The following UBR2 variants were observed in gnomAD, a reference collection of about 807,000 sequenced individuals.
The protein encoded by UBR2 is E3 ubiquitin-protein ligase UBR2.
Under a neutral mutation model 247.9 loss-of-function variants are expected in UBR2, and 92 were observed. The observed-to-expected ratio is 0.37, with a 90% confidence interval of 0.31 to 0.44. The LOEUF (loss-of-function observed/expected upper bound fraction) is 0.44, where lower values mean the gene tolerates loss of function less well. Ranked by LOEUF, UBR2 falls within the 20% of genes least tolerant of loss-of-function variation. The pLI is 1.00. For synonymous variants in UBR2, 672 were observed against 693.5 expected (o/e 0.97, Z 0.49); for missense variants, 1,613 against 2,112.6 (o/e 0.76, Z 4.64).
Position 42,635,434 on chromosome 6 carries a change from C to G in UBR2, c.1562C>G (p.Thr521Arg), listed in dbSNP as rs746125994. 1 of 1,613,498 alleles carries G rather than the reference C, an allele frequency of 6.2e-7. No individual in the cohort carries two copies. The highest frequency in any genetic ancestry group is 1.7e-5 in the Admixed American group (1 of 59,984). The change falls in exon 14 of 47, where the codon ACA (threonine) becomes AGA (arginine). Residue 521 changes from threonine to arginine, a missense_variant. Physicochemically the swap from Thr to Arg is moderately conservative, Grantham distance 71. This residue lies in a region of UBR2 where 1,524 missense variants were observed against 1,967.3 expected (regional missense o/e 0.77). Transcript: ENST00000372901. Reference sequence around the variant, plus strand: ...TCCGTTAAGGGAATGGATCCAATTACACGTCAAGTAGGACAACATATTGAA... The same window carrying G: ...TCCGTTAAGGGAATGGATCCAATTAGACGTCAAGTAGGACAACATATTGAA... ...LKCMQGMDPITRQVGQHIEME... is the reference protein window; with the variant it reads ...LKCMQGMDPIRRQVGQHIEME...
intron 6 of UBR2, among the ~76,000 whole-genome samples, chr6:42,606,092 A>G (rs1793681716): frequency 6.6e-6 from 1 of 152,078 alleles, no homozygotes; most frequent in South Asian, 2.1e-4. Flanking sequence ...AAAATACAAA[A>G]ATTAGCCAGG....
At chr6:42,614,878 G>A (rs1794440604) in intron 8 of UBR2, among the ~76,000 whole-genome samples, 193 bp from the exon 9 acceptor site, 2 of 152,184 alleles carry the variant, frequency 1.3e-5, no homozygotes, top group Admixed American at 1.3e-4. Flanking sequence ...AATGGTGTGT[G>A]ATGTGAGATT....
chr6:42,615,847 C>G (rs1188879601), intron 9 of UBR2, among the ~76,000 whole-genome samples, 155 bp from the exon 10 acceptor site: 2 of 151,516 alleles, frequency 1.3e-5, no homozygotes, highest in Non-Finnish European at 2.9e-5. Flanking sequence ...TCGCGTGAGC[C>G]CAGGAGTTAA....
intron 40 of UBR2, 143 bp downstream of exon 40, chr6:42,677,016 C>A: frequency 1.5e-6 from 1 of 659,308 alleles, no homozygotes; most frequent in Non-Finnish European, 2.6e-6. Flanking sequence ...ATCTGCAGAG[C>A]CTTTCTGAAC....
intron 32 of UBR2, 37 bp from the exon 33 acceptor site, chr6:42,665,372 T>A: frequency 1.4e-6 from 2 of 1,479,848 alleles, no homozygotes; most frequent in Non-Finnish European, 1.9e-6. Flanking sequence ...TAAGGAACAA[T>A]AATAAAACAC....
intron 15 of UBR2, among the ~76,000 whole-genome samples, chr6:42,639,346 A>C (rs1796285745): frequency 6.6e-6 from 1 of 152,226 alleles, no homozygotes; most frequent in Non-Finnish European, 1.5e-5. Flanking sequence ...TAATCCCAGC[A>C]CTTTGGGAGG....
chr6:42,575,897 C>T (rs1275941957), intron 2 of UBR2, among the ~76,000 whole-genome samples: 3 of 152,154 alleles, frequency 2.0e-5, no homozygotes, highest in Non-Finnish European at 4.4e-5. Flanking sequence ...TTATTTATAT[C>T]AGTATTTGTG....
At chr6:42,568,478 C>T (rs1285927097) in intron 1 of UBR2, among the ~76,000 whole-genome samples, 3 of 152,096 alleles carry the variant, frequency 2.0e-5, no homozygotes, top group Admixed American at 6.6e-5. Flanking sequence ...ACCTGTAATT[C>T]CAGCACTTTG....
At chr6:42,669,106 G>A (rs1040932233) in intron 34 of UBR2, among the ~76,000 whole-genome samples, 5 of 151,672 alleles carry the variant, frequency 3.3e-5, no homozygotes. Context: ...TGTATTTTTA[G>A]TGGAGACAGG....
At chr6:42,596,582 A>G (rs563139326) in intron 4 of UBR2, among the ~76,000 whole-genome samples, 1 of 152,318 alleles carries the variant, frequency 6.6e-6, no homozygotes, top group East Asian at 1.9e-4. Flanking sequence ...AACAGCCCAA[A>G]TGTCCATCAG....
At position 42,655,473 on chromosome 6, in the gene UBR2, A is replaced by G. The variant is rs1582658957; in HGVS notation, c.2770-148A>G. ...ATCTCAAAAAAAAAAAAAAGAAAAA[A>G]AAATTAGTACTTCAAATTGTTTTTA... On this transcript the variant is annotated intron_variant, in intron 25 of 46. Coordinates refer to ENST00000372901, the MANE Select transcript of UBR2 (RefSeq NM_001363705.2). 3 of 499,136 alleles carry G rather than the reference A, an allele frequency of 6.0e-6. No homozygotes were observed. In the East Asian group the frequency reaches 1.2e-4, roughly 20 times the overall value. The allele number at this position is 499,136 out of a possible 1,614,324, so 30.9% of individuals were successfully genotyped here.
At chr6:42,590,978 G>C (rs1389237816) in intron 2 of UBR2, among the ~76,000 whole-genome samples, 1 of 152,238 alleles carries the variant, frequency 6.6e-6, no homozygotes, top group African/African-American at 2.4e-5. Context: ...TAGGCCAGGT[G>C]CGGTGGCCCA....
At chr6:42,580,507 G>A (rs749036944) in intron 2 of UBR2, among the ~76,000 whole-genome samples, 2 of 152,034 alleles carry the variant, frequency 1.3e-5, no homozygotes, top group Non-Finnish European at 2.9e-5. Flanking sequence ...TTTTCTTAAG[G>A]GAATATTTAC....
Position 42,603,671 on chromosome 6 carries a change from A to G in UBR2, c.615A>G (p.Ile205Met). ...TTACGTTTCGGTATGCAGTAGAAAT[A>G]TTAACCTGGGAAAAAGAAAGTGAAT... ...FAITFRYAVE[I>M]LTWEKESELP... Residue 205 changes from isoleucine to methionine, a missense_variant, in exon 5 of 47, where the codon ATA (isoleucine) becomes ATG (methionine). Transcript: ENST00000372901. 6.2e-7 allele frequency: 1 copy of G among 1,602,400 alleles called. No homozygotes were observed. Among genetic ancestry groups the G allele is most frequent in the South Asian group, 1.1e-5 (1 of 87,946 alleles).
At chr6:42,655,783 T>C (rs996272591) in intron 26 of UBR2, 60 bp downstream of exon 26, 3 of 1,010,126 alleles carry the variant, frequency 3.0e-6, no homozygotes, top group Non-Finnish European at 4.2e-6. Flanking sequence ...AGAAATCACT[T>C]AATAACCTCT....
At chr6:42,686,823 C>T (rs1481718009) in intron 44 of UBR2, among the ~76,000 whole-genome samples, 4 of 149,438 alleles carry the variant, frequency 2.7e-5, no homozygotes, top group African/African-American at 5.0e-5. Context: ...GGCTGCCGGG[C>T]GGAGGGGCTC....
chr6:42,674,261 C>A, intron 38 of UBR2, 68 bp downstream of exon 38: 1 of 1,454,622 alleles, frequency 6.9e-7, no homozygotes, highest in Non-Finnish European at 9.6e-7. Flanking sequence ...GTTTGGTGAG[C>A]AGTGTAGTGG....
intron 2 of UBR2, among the ~76,000 whole-genome samples, chr6:42,583,512 G>T (rs967968346): frequency 6.7e-6 from 1 of 148,926 alleles, no homozygotes; most frequent in African/African-American, 2.5e-5. Flanking sequence ...CTTCCAAAGT[G>T]CTGGGATTAC....
intron 25 of UBR2, among the ~76,000 whole-genome samples, chr6:42,653,985 G>T (rs988070567): frequency 2.6e-5 from 4 of 152,090 alleles, no homozygotes; most frequent in Admixed American, 6.6e-5. Flanking sequence ...GTTTTTCCAA[G>T]GCTAAAGATG....
Sources: allele counts gnomAD v4.1 joint callset (sites outside exome capture counted in the v4.1 genomes callset), GRCh38; gene constraint gnomAD v4.1.1; regional missense constraint gnomAD v4.1.1; transcripts MANE v1.5; gene names NCBI Gene and HGNC (gene_info 2026-07-23, HGNC 2026-07-21).